Variants in PCDHGA2 observed in about 807,000 individuals in gnomAD.
PCDHGA2 encodes the protein protocadherin gamma-A2.
PCDHGA2 carries 40 observed loss-of-function variants against 59.2 expected under a neutral mutation model. The observed-to-expected ratio is 0.68, with a 90% CI of 0.52 to 0.88. PCDHGA2 has a LOEUF of 0.88. PCDHGA2 is among the 40% of genes least tolerant of loss of function. The pLI is 0.00. For synonymous variants in PCDHGA2, 560 were observed against 526.0 expected (o/e 1.06, Z -0.89); for missense variants, 1,226 against 1,204.0 (o/e 1.02, Z -0.27).
chr5:141,420,089 A>G lies in PCDHGA2; in HGVS notation c.2425-74718A>G. On this transcript the variant is annotated intron_variant, in intron 1 of 3. Transcript: ENST00000394576. The stretch of plus-strand genomic sequence containing the variant: ...CGGACCTGTGGGTCCCCCCAACTAC[A>G]GTGAGGGAACGTTGCCCTATGCCTA... 2.5e-6 allele frequency: 4 copies of G among 1,613,986 alleles called. No individual in the cohort carries two copies. Among genetic ancestry groups the G allele is most frequent in the Middle Eastern group, 1.6e-4 (1 of 6,062 alleles).
chr5:141,361,118 C>G (rs749515160), intron 1 of PCDHGA2: 32 of 1,613,888 alleles, frequency 2.0e-5, no homozygotes, highest in Non-Finnish European at 8.5e-7. Context: ...GGAGATCTAG[C>G]AGCCCACTGC....
chr5:141,372,000 G>C (rs762846056), intron 1 of PCDHGA2: 3 of 1,613,268 alleles, frequency 1.9e-6, no homozygotes, highest in Middle Eastern at 1.7e-4. Context: ...GCAGGCCCGC[G>C]ACCAGGGCTC....
chr5:141,388,706 T>C (rs1189291267), intron 1 of PCDHGA2: 2 of 1,613,856 alleles, frequency 1.2e-6, no homozygotes, highest in African/African-American at 2.7e-5. Flanking sequence ...AGGGTGTCAA[T>C]GCCGAGATTA....
At chr5:141,422,500 G>A (rs762511271) in intron 1 of PCDHGA2, 1 of 1,614,008 alleles carries the variant, frequency 6.2e-7, no homozygotes, top group Non-Finnish European at 8.5e-7. Flanking sequence ...AACGTTGACA[G>A]CCACAGACCA....
At chr5:141,376,318 G>C (rs373956139) in intron 1 of PCDHGA2, 6 of 1,614,200 alleles carry the variant, frequency 3.7e-6, no homozygotes, top group East Asian at 4.5e-5. Context: ...GCGTGGAAGG[G>C]GTTCGGGCTT....
chr5:141,437,408 G>A (rs1591455458), intron 1 of PCDHGA2, among the ~76,000 whole-genome samples: 1 of 152,200 alleles, frequency 6.6e-6, no homozygotes, highest in Non-Finnish European at 1.5e-5. Flanking sequence ...CATTCCAGAA[G>A]TATTATGCTT....
intron 1 of PCDHGA2, chr5:141,389,614 C>G: frequency 6.2e-7 from 1 of 1,613,062 alleles, no homozygotes; most frequent in South Asian, 1.1e-5. Flanking sequence ...GATATGGTGC[C>G]GCACGCTGCA....
chr5:141,427,193 C>T (rs1427995075), intron 1 of PCDHGA2: 1 of 456,496 alleles, frequency 2.2e-6, no homozygotes, highest in Admixed American at 2.4e-5. Context: ...AATCCAAAGA[C>T]TTAATAGACT....
chr5:141,343,950 A>T, intron 1 of PCDHGA2: 1 of 1,294,872 alleles, frequency 7.7e-7, no homozygotes, highest in Non-Finnish European at 1.1e-6. Context: ...CCCGTAAAAG[A>T]CTTCGTTTCT....
At chr5:141,372,125 G>A in intron 1 of PCDHGA2, 2 of 1,613,718 alleles carry the variant, frequency 1.2e-6, no homozygotes, top group East Asian at 2.2e-5. Context: ...TCTTCGATAT[G>A]GTGCCGCGCT....
intron 1 of PCDHGA2, chr5:141,426,693 A>C (rs62378458): frequency 0.034 from 14,964 of 435,892 alleles, 320 homozygotes; most frequent in Middle Eastern, 0.11. Flanking sequence ...CCAAAATAGC[A>C]TTGTTTTACA....
rs11952292 is a variant in PCDHGA2 at position 141,491,682 on chromosome 5, G to T, written c.2425-3125G>T. The T allele has an allele frequency of 0.072, 115,891 of 1,613,112 alleles. 4,572 individuals carry two copies. The highest frequency in any genetic ancestry group is 0.11 in the South Asian group (9,996 of 91,042). ...ACGCCATCCGGTCCCGCTCTAATAC[G>T]CTGCGGGAGCGGAGCCAGGTGAGGG... On this transcript the variant is annotated intron_variant, in intron 1 of 3. Coordinates refer to ENST00000394576, the MANE Select transcript of PCDHGA2 (RefSeq NM_018915.4). The surrounding 1 kb of genome is among the most constrained non-coding windows in gnomAD (Gnocchi z 6.9).
chr5:141,448,524 T>C (rs1177408162), intron 1 of PCDHGA2, among the ~76,000 whole-genome samples: 1 of 152,194 alleles, frequency 6.6e-6, no homozygotes, highest in Non-Finnish European at 1.5e-5. Context: ...TTATTAAGCA[T>C]CCTGTCAGCA....
chr5:141,428,090 G>A (rs1415146154), intron 1 of PCDHGA2: 1 of 1,608,870 alleles, frequency 6.2e-7, no homozygotes, highest in Non-Finnish European at 8.5e-7. Flanking sequence ...ACGCTTGGCT[G>A]TCCTACCACG....
intron 2 of PCDHGA2, among the ~76,000 whole-genome samples, chr5:141,501,212 A>G (rs936235563): frequency 1.9e-4 from 29 of 150,770 alleles, no homozygotes; most frequent in Admixed American, 1.8e-3. Flanking sequence ...TGTCAGGGTG[A>G]CTTCCTAGAT....
rs1414722237 is a variant in PCDHGA2 at position 141,432,748 on chromosome 5, C to T, written c.2425-62059C>T. On this transcript the variant is annotated intron_variant, in intron 1 of 3. Coordinates refer to ENST00000394576, the MANE Select transcript of PCDHGA2 (RefSeq NM_018915.4). The surrounding 1 kb of genome is among the most constrained non-coding windows in gnomAD (Gnocchi z 6.0). ...CCGCCACTGTCACGCTCACCGTGGC[C>T]GTGGCCGACAGCATCCCCCAAGTCC... 1 of 1,614,120 alleles carries T rather than the reference C, an allele frequency of 6.2e-7. No homozygotes were observed. The highest frequency in any genetic ancestry group is 8.5e-7 in the Non-Finnish European group (1 of 1,179,980).
intron 2 of PCDHGA2, 54 bp downstream of exon 2, chr5:141,494,919 T>A: frequency 6.2e-7 from 1 of 1,613,926 alleles, no homozygotes; most frequent in South Asian, 1.1e-5. Flanking sequence ...TTCTCAGGGA[T>A]GACGTGGGAG....
At position 141,511,130 on chromosome 5, in the gene PCDHGA2, G is replaced by A. The variant is rs777082914; in HGVS notation, c.2756G>A (p.Gly919Asp). ...GKRDGKAPAG[G>D]NGNKKKSGKK... ...CGGGATGGCAAGGCCCCAGCAGGTG[G>A]CAATGGCAACAAGAAGAAGTCGGGC... The change falls in exon 4 of 4, where the codon GGC (glycine) becomes GAC (aspartate). Residue 919 changes from glycine (G) to aspartate (D), a missense_variant. Coordinates refer to ENST00000394576, the MANE Select transcript of PCDHGA2 (RefSeq NM_018915.4). 6.2e-7 allele frequency: 1 copy of A among 1,614,210 alleles called. No homozygotes were observed. The highest frequency in any genetic ancestry group is 1.1e-5 in the South Asian group (1 of 91,090).
At chr5:141,470,302 C>A (rs996558051) in intron 1 of PCDHGA2, among the ~76,000 whole-genome samples, 5 of 152,188 alleles carry the variant, frequency 3.3e-5, no homozygotes, top group African/African-American at 1.2e-4. Context: ...GTTTTTATTC[C>A]ATTTTTCCTC....
Sources: allele counts gnomAD v4.1 joint callset (sites outside exome capture counted in the v4.1 genomes callset), GRCh38; gene constraint gnomAD v4.1.1; non-coding constraint Gnocchi (gnomAD v3.1); transcripts MANE v1.5; gene names NCBI Gene and HGNC (gene_info 2026-07-23, HGNC 2026-07-21).